Variants in FHIT observed in about 807,000 individuals in gnomAD.
The protein encoded by FHIT is fragile histidine triad diadenosine triphosphatase, also known as bis(5'-adenosyl)-triphosphatase.
Under a neutral mutation model 17.9 loss-of-function variants are expected in FHIT, and 19 were observed. That is an observed-to-expected ratio of 1.06 (90% CI 0.74 to 1.56). FHIT has a LOEUF of 1.56. Ranked by LOEUF, FHIT falls within the 40% of genes most tolerant of loss-of-function variation. The probability of loss-of-function intolerance (pLI) is 0.00; values close to 1 mark genes in which losing one functional copy is unlikely to be tolerated. For synonymous variants in FHIT, 81 were observed against 69.7 expected (o/e 1.16, Z -0.81); for missense variants, 248 against 189.2 (o/e 1.31, Z -1.82).
At chr3:60,492,047 G>A (rs2034088886) in intron 5 of FHIT, among the ~76,000 whole-genome samples, 1 of 152,174 alleles carries the variant, frequency 6.6e-6, no homozygotes, top group African/African-American at 2.4e-5. Context: ...CTGGTGGAAT[G>A]TTGACATCTC....
intron 3 of FHIT, among the ~76,000 whole-genome samples, chr3:60,927,675 C>A (rs1270312669): frequency 6.6e-6 from 1 of 151,654 alleles, no homozygotes; most frequent in Non-Finnish European, 1.5e-5. Context: ...TGGCCGCCAC[C>A]CCGTCTGGGA....
At chr3:60,130,361 C>T (rs927264233) in intron 5 of FHIT, among the ~76,000 whole-genome samples, 3 of 152,166 alleles carry the variant, frequency 2.0e-5, no homozygotes. Context: ...AGGCTAACGG[C>T]TGGCTATAAC....
At chr3:60,064,720 A>AT (rs1405623577) in intron 5 of FHIT, among the ~76,000 whole-genome samples, 2 of 152,238 alleles carry the variant, frequency 1.3e-5, no homozygotes, top group African/African-American at 4.8e-5. Flanking sequence ...GTCAAAGAGT[A>AT]TTTAGGATCT....
At chr3:59,793,917 G>A (rs578244657) in intron 8 of FHIT, among the ~76,000 whole-genome samples, 6 of 152,092 alleles carry the variant, frequency 3.9e-5, no homozygotes, top group Non-Finnish European at 8.8e-5. Context: ...CTAAGGCCCG[G>A]CCCATGTATC....
intron 5 of FHIT, among the ~76,000 whole-genome samples, chr3:60,459,391 G>T (rs1394472000): frequency 6.6e-6 from 1 of 152,110 alleles, no homozygotes; most frequent in Non-Finnish European, 1.5e-5. Context: ...ACAAAGAGTG[G>T]GTTGGGAAAA....
chr3:60,857,222 A>C (rs1703424878), intron 3 of FHIT, among the ~76,000 whole-genome samples: 1 of 152,122 alleles, frequency 6.6e-6, no homozygotes, highest in South Asian at 2.1e-4. Flanking sequence ...AAACAGACTC[A>C]TGGTAAAATA....
At chr3:60,507,473 T>A (rs891068427) in intron 5 of FHIT, among the ~76,000 whole-genome samples, 2 of 152,224 alleles carry the variant, frequency 1.3e-5, no homozygotes, top group Non-Finnish European at 2.9e-5. Context: ...GGTTTTTTGT[T>A]TTGTTTTGTT....
At chr3:59,862,448 C>T (rs1366202020) in intron 8 of FHIT, among the ~76,000 whole-genome samples, 1 of 152,182 alleles carries the variant, frequency 6.6e-6, no homozygotes, top group African/African-American at 2.4e-5. Context: ...TAACAGCAAT[C>T]AGCCAGCTAA....
At chr3:60,381,201 G>A (rs1700785533) in intron 5 of FHIT, among the ~76,000 whole-genome samples, 2 of 152,112 alleles carry the variant, frequency 1.3e-5, no homozygotes, top group African/African-American at 2.4e-5. Flanking sequence ...AAACAGGCTG[G>A]GCACGGTGGC....
intron 5 of FHIT, among the ~76,000 whole-genome samples, chr3:60,488,686 CTA>C (rs2033942343): frequency 6.6e-6 from 1 of 152,036 alleles, no homozygotes; most frequent in Admixed American, 6.6e-5. Flanking sequence ...CTCAGCAGTC[CTA>C]TGTTGCCTAG....
intron 4 of FHIT, among the ~76,000 whole-genome samples, chr3:60,688,426 G>GTTTTTTTTTTTTTTTTTTTTTTTTTTTT: frequency 7.5e-6 from 1 of 133,526 alleles, no homozygotes. Context: ...TATGTTTTGT[G>GTTTTTTTTTTTTTTTTTTTTTTTTTTTT]TTTTTTTTTT....
At chr3:60,224,031 T>C (rs545746402) in intron 5 of FHIT, among the ~76,000 whole-genome samples, 16 of 152,304 alleles carry the variant, frequency 1.1e-4, no homozygotes, top group Non-Finnish European at 1.8e-4. Flanking sequence ...CCCCTCCATA[T>C]AGTGTGAACT....
chr3:60,225,420 A>T (rs1380248866), intron 5 of FHIT, among the ~76,000 whole-genome samples: 1 of 152,218 alleles, frequency 6.6e-6, no homozygotes, highest in Non-Finnish European at 1.5e-5. Flanking sequence ...GAGTATCTGT[A>T]CCTGGAGAAC....
At position 60,636,942 on chromosome 3, in the gene FHIT, C is replaced by G. The variant is rs189048466; in HGVS notation, c.-17-99963G>C. Among the ~76,000 whole-genome samples, 1,064 of 152,222 alleles carry G rather than the reference C, an allele frequency of 7.0e-3. 7 individuals carry two copies. Among genetic ancestry groups the G allele is most frequent in the Non-Finnish European group, 0.01 (714 of 68,024 alleles). ...CCCTTGCTTTGATGGTGCCTTTCTC[C>G]TCCTCTGAGGCCAAGTCATGGTGGG... is the stretch of plus-strand genomic sequence containing the variant. On this transcript the variant is annotated intron_variant, in intron 4 of 9. Coordinates refer to ENST00000492590, the MANE Select transcript of FHIT (RefSeq NM_002012.4).
At chr3:59,941,298 C>T (rs1559483625) in intron 7 of FHIT, among the ~76,000 whole-genome samples, 1 of 152,156 alleles carries the variant, frequency 6.6e-6, no homozygotes, top group Non-Finnish European at 1.5e-5. Context: ...GAGGGTGGAT[C>T]AGACAGACTT....
chr3:59,923,251 A>G (rs6786852), intron 7 of FHIT, among the ~76,000 whole-genome samples: 18,801 of 117,948 alleles, frequency 0.16, 1,769 homozygotes, highest in Middle Eastern at 0.26. Flanking sequence ...AAAAAAAAAA[A>G]ATCCCGTGAG....
chr3:60,642,454 G>A (rs1432197077), intron 4 of FHIT, among the ~76,000 whole-genome samples: 1 of 152,066 alleles, frequency 6.6e-6, no homozygotes, highest in Non-Finnish European at 1.5e-5. Context: ...CAAAGACAAT[G>A]AATGATAACA....
At chr3:59,858,172 A>G (rs1303748253) in intron 8 of FHIT, among the ~76,000 whole-genome samples, 2 of 149,200 alleles carry the variant, frequency 1.3e-5, no homozygotes, top group African/African-American at 4.9e-5. Context: ...GGTGTATGGG[A>G]GTTTCCCACA....
chr3:61,121,782 A>G lies in FHIT; in HGVS notation c.-164+78835T>C, dbSNP rs145482021. 7.1e-3 allele frequency among the ~76,000 whole-genome samples: 1,086 copies of G among 152,346 alleles called. 17 individuals carry two copies. The highest frequency in any genetic ancestry group is 0.025 in the African/African-American group (1,042 of 41,576). On this transcript the variant is annotated intron_variant, in intron 2 of 9. Coordinates refer to ENST00000492590, the MANE Select transcript of FHIT (RefSeq NM_002012.4). Reference sequence around the variant, plus strand: ...TAAACAGGCTAAATGCCACAATTAAAAGACACAGACTGGCAAATTGGAAAA... The same window carrying G: ...TAAACAGGCTAAATGCCACAATTAAGAGACACAGACTGGCAAATTGGAAAA...
Sources: allele counts gnomAD v4.1 joint callset (sites outside exome capture counted in the v4.1 genomes callset), GRCh38; gene constraint gnomAD v4.1.1; transcripts MANE v1.5; gene names NCBI Gene and HGNC (gene_info 2026-07-23, HGNC 2026-07-21).